The following VPS13B variants were observed in gnomAD, a reference collection of about 807,000 sequenced individuals.
The protein encoded by VPS13B is intermembrane lipid transfer protein VPS13B.
A neutral mutation model predicts 426.4 loss-of-function variants in VPS13B; 285 were observed. The observed-to-expected ratio is 0.67, with a 90% CI of 0.61 to 0.74. The LOEUF (loss-of-function observed/expected upper bound fraction) is 0.74. Ranked by LOEUF, VPS13B falls within the 30% of genes least tolerant of loss-of-function variation. The probability of loss-of-function intolerance (pLI) is 0.00; values close to 1 mark genes in which losing one functional copy is unlikely to be tolerated. For synonymous variants in VPS13B, 1,676 were observed against 1,676.4 expected (o/e 1.00, Z 0.01); for missense variants, 4,537 against 4,782.6 (o/e 0.95, Z 1.51).
At chr8:99,791,735 A>C (rs1292364753) in intron 43 of VPS13B, among the ~76,000 whole-genome samples, 1 of 151,622 alleles carries the variant, frequency 6.6e-6, no homozygotes, top group Non-Finnish European at 1.5e-5. Context: ...AAAAAAAAAA[A>C]AAAAAAAACT....
chr8:99,413,936 A>G (rs1271812319), intron 21 of VPS13B, among the ~76,000 whole-genome samples: 1 of 152,198 alleles, frequency 6.6e-6, no homozygotes, highest in African/African-American at 2.4e-5. Flanking sequence ...GTCAATGTCT[A>G]TTAGGTCTGC....
At chr8:99,144,547 C>G (rs940569452) in intron 13 of VPS13B, among the ~76,000 whole-genome samples, 2 of 151,030 alleles carry the variant, frequency 1.3e-5, no homozygotes, top group African/African-American at 2.4e-5. Flanking sequence ...TTACTTTTGT[C>G]CCAGCAACTT....
chr8:99,381,367 C>T (rs1001886882), intron 19 of VPS13B, among the ~76,000 whole-genome samples: 29 of 152,076 alleles, frequency 1.9e-4, no homozygotes, highest in African/African-American at 7.0e-4. Context: ...GGGGAACATA[C>T]GTTTGCATGT....
chr8:99,608,150 C>CTT (rs200976473), intron 33 of VPS13B, among the ~76,000 whole-genome samples: 11 of 138,476 alleles, frequency 7.9e-5, no homozygotes, highest in African/African-American at 1.6e-4. Context: ...TTTTAATCTA[C>CTT]TTTTTTTTTT....
rs1847328365 is a variant in VPS13B, at chr8:99,110,948, A to G, written c.581-150A>G. ...AATTGTATAATAAAATGAAAAGTTC[A>G]TTGCATATGGTCTGGCATTATGTAT... On this transcript the variant is annotated intron_variant, in intron 5 of 61. Coordinates refer to ENST00000357162, the MANE Select transcript of VPS13B (RefSeq NM_152564.5). The G allele has an allele frequency of 1.2e-5, 6 of 492,168 alleles. 1 individual carries two copies. The highest frequency in any genetic ancestry group is 7.8e-5 in the Admixed American group (2 of 25,632). 30.5% of individuals were successfully genotyped at this position (492,168 alleles called of 1,614,324 possible). A position where few individuals can be genotyped will look rare whatever the true frequency, so the allele number is the denominator to read the frequency against.
chr8:99,401,023 A>G (rs1292857425), intron 21 of VPS13B, among the ~76,000 whole-genome samples: 1 of 152,220 alleles, frequency 6.6e-6, no homozygotes, highest in Admixed American at 6.5e-5. Context: ...ATAACAACTT[A>G]TAAGTTTAAT....
intron 5 of VPS13B, among the ~76,000 whole-genome samples, chr8:99,103,692 G>A (rs903987184): frequency 6.6e-6 from 1 of 151,856 alleles, no homozygotes; most frequent in Non-Finnish European, 1.5e-5. Flanking sequence ...GTAGAGATGG[G>A]GTTTCACCAT....
intron 17 of VPS13B, among the ~76,000 whole-genome samples, chr8:99,254,300 A>T (rs1184173716): frequency 6.6e-6 from 1 of 151,978 alleles, no homozygotes; most frequent in Non-Finnish European, 1.5e-5. Flanking sequence ...TTCCTGAAGT[A>T]TATTTTTGCT....
chr8:99,617,315 T>G (rs901666118), intron 33 of VPS13B, among the ~76,000 whole-genome samples: 4 of 151,554 alleles, frequency 2.6e-5, no homozygotes, highest in Non-Finnish European at 5.9e-5. Flanking sequence ...TTGTTTGGGG[T>G]TTTTTTGTTT....
At chr8:99,420,394 T>C (rs941910161) in intron 21 of VPS13B, among the ~76,000 whole-genome samples, 1 of 152,154 alleles carries the variant, frequency 6.6e-6, no homozygotes, top group Non-Finnish European at 1.5e-5. Context: ...GATGTACTGA[T>C]TTTGAGTAAT....
intron 2 of VPS13B, among the ~76,000 whole-genome samples, chr8:99,036,365 CATAA>C (rs1475426916): frequency 6.6e-6 from 1 of 151,904 alleles, no homozygotes; most frequent in Non-Finnish European, 1.5e-5. Flanking sequence ...AAAAGTTATA[CATAA>C]ATAAAGTATT....
chr8:99,046,588 AG>A, intron 3 of VPS13B, among the ~76,000 whole-genome samples: 1 of 152,026 alleles, frequency 6.6e-6, no homozygotes, highest in East Asian at 1.9e-4. Flanking sequence ...GTACTGTTTA[AG>A]AGGAGTGGTA....
chr8:99,569,247 G>A (rs1825349991), intron 31 of VPS13B, among the ~76,000 whole-genome samples: 1 of 151,492 alleles, frequency 6.6e-6, no homozygotes, highest in Non-Finnish European at 1.5e-5. Flanking sequence ...GGGCAGCATG[G>A]CGAAACCCCG....
At chr8:99,668,783 G>A (rs1830586614) in intron 35 of VPS13B, among the ~76,000 whole-genome samples, 1 of 152,088 alleles carries the variant, frequency 6.6e-6, no homozygotes, top group African/African-American at 2.4e-5. Context: ...AGATTAGTTG[G>A]AACAAATTGG....
chr8:99,657,474 G>GTGTGTGTGTGTGTGTA (rs1439374903), intron 34 of VPS13B, among the ~76,000 whole-genome samples: 62 of 150,980 alleles, frequency 4.1e-4, no homozygotes, highest in African/African-American at 1.4e-3. Context: ...TAAAAATTGT[G>GTGTGTGTGTGTGTGTA]TGTGTGTGTG....
intron 29 of VPS13B, among the ~76,000 whole-genome samples, chr8:99,511,889 A>G (rs1367345436): frequency 6.6e-6 from 1 of 152,206 alleles, no homozygotes; most frequent in African/African-American, 2.4e-5. Flanking sequence ...TGTAATCCTA[A>G]CACTTTGGGA....
chr8:99,377,134 G>T (rs985540327), intron 19 of VPS13B, among the ~76,000 whole-genome samples: 6 of 151,756 alleles, frequency 4.0e-5, no homozygotes, highest in African/African-American at 1.5e-4. Flanking sequence ...CTTGTTTACA[G>T]CTTCTTTTTT....
In VPS13B at chr8:99,642,512, A is replaced by G. The variant is rs886062543; in HGVS notation, c.5908+14A>G. 12 of 1,601,570 alleles carry G rather than the reference A, an allele frequency of 7.5e-6. No individual in the cohort carries two copies. In the South Asian group the frequency reaches 8.8e-5, roughly 12 times the overall value. On this transcript the variant is annotated intron_variant, in intron 34 of 61. Transcript: ENST00000357162. ...ACAAATGTATAGGTAAGAACCTTCA[A>G]ACTTACTGGAGTGCTAATAATTACT...
intron 16 of VPS13B, among the ~76,000 whole-genome samples, chr8:99,188,180 A>T (rs764037786): frequency 2.0e-5 from 3 of 149,788 alleles, no homozygotes; most frequent in Non-Finnish European, 4.4e-5. Context: ...CATAAATTTC[A>T]TCATTTTAAA....
Sources: allele counts gnomAD v4.1 joint callset (sites outside exome capture counted in the v4.1 genomes callset), GRCh38; gene constraint gnomAD v4.1.1; transcripts MANE v1.5; gene names NCBI Gene and HGNC (gene_info 2026-07-23, HGNC 2026-07-21).